Variants in UBE2G1 observed in about 807,000 individuals in gnomAD.
UBE2G1 encodes ubiquitin-conjugating enzyme E2 G1.
A neutral mutation model predicts 22.7 loss-of-function variants in UBE2G1; 5 were observed. The observed-to-expected ratio is 0.22, with a 90% CI of 0.12 to 0.46. The LOEUF (loss-of-function observed/expected upper bound fraction) is 0.46, where lower values mean the gene tolerates loss of function less well. Ranked by LOEUF, UBE2G1 falls within the 20% of genes least tolerant of loss-of-function variation. The pLI is 0.99. For missense variants in UBE2G1, 88 were observed against 203.9 expected (o/e 0.43, Z 3.46); for synonymous variants, 74 against 67.5 (o/e 1.10, Z -0.47).
chr17:4,298,053 A>T (rs1210833703), intron 2 of UBE2G1, among the ~76,000 whole-genome samples: 1 of 152,246 alleles, frequency 6.6e-6, no homozygotes, highest in Admixed American at 6.5e-5. Flanking sequence ...GCAGAAGGAA[A>T]ATATCTACCA....
chr17:4,332,230 T>C (rs893363756), intron 1 of UBE2G1, among the ~76,000 whole-genome samples: 4 of 152,212 alleles, frequency 2.6e-5, no homozygotes, highest in African/African-American at 4.8e-5. Context: ...TCTTGTCCAC[T>C]AAGTCAGAGG....
chr17:4,335,301 A>G (rs528255031), intron 1 of UBE2G1: 10 of 152,346 alleles, frequency 6.6e-5, no homozygotes, highest in Non-Finnish European at 1.3e-4. Context: ...GAATTCTAGC[A>G]ATACTCAGGC....
intron 1 of UBE2G1, among the ~76,000 whole-genome samples, chr17:4,322,195 T>G (rs1026227296): frequency 6.6e-6 from 1 of 152,234 alleles, no homozygotes; most frequent in African/African-American, 2.4e-5. Flanking sequence ...TAAGATGGTG[T>G]TGATTCCTCA....
At chr17:4,275,945 A>T (rs949653290) in intron 5 of UBE2G1, among the ~76,000 whole-genome samples, 19 of 151,936 alleles carry the variant, frequency 1.3e-4, no homozygotes, top group African/African-American at 4.6e-4. Flanking sequence ...TTCCTTTCTG[A>T]GCTCTCTGTG....
chr17:4,300,872 G>C (rs1023195110), intron 2 of UBE2G1, among the ~76,000 whole-genome samples: 1 of 151,318 alleles, frequency 6.6e-6, no homozygotes, highest in Non-Finnish European at 1.5e-5. Context: ...GCTGAGGTAG[G>C]AGAATCACTT....
At chr17:4,352,063 G>A (rs943717775) in intron 1 of UBE2G1, among the ~76,000 whole-genome samples, 2 of 152,066 alleles carry the variant, frequency 1.3e-5, no homozygotes, top group African/African-American at 4.8e-5. Flanking sequence ...TTAGAGACCA[G>A]CCTGGCCAAC....
chr17:4,270,139 A>G lies in UBE2G1; in HGVS notation c.*2415T>C, dbSNP rs1968737510. Reference sequence around the variant, plus strand: ...CTTCCACTCCCGTAGAGCTAGCCCTAAAAAAAAAACCCACATGGTTTTATC... The same window carrying G: ...CTTCCACTCCCGTAGAGCTAGCCCTGAAAAAAAAACCCACATGGTTTTATC... On this transcript the variant is annotated 3_prime_UTR_variant, in exon 6 of 6. Transcript: ENST00000396981. 6.8e-6 allele frequency: 1 copy of G among 147,978 alleles called. No homozygotes were observed. Among genetic ancestry groups the G allele is most frequent in the South Asian group, 2.1e-4 (1 of 4,656 alleles). 9.2% of individuals were successfully genotyped at this position (147,978 alleles called of 1,614,324 possible).
intron 1 of UBE2G1, among the ~76,000 whole-genome samples, chr17:4,360,313 A>T (rs1237712259): frequency 6.6e-6 from 1 of 152,226 alleles, no homozygotes; most frequent in Non-Finnish European, 1.5e-5. Context: ...TCTCATTAAA[A>T]GAGTGCTTAA....
intron 1 of UBE2G1, among the ~76,000 whole-genome samples, chr17:4,354,312 C>T (rs1969879601): frequency 6.6e-6 from 1 of 152,098 alleles, no homozygotes; most frequent in African/African-American, 2.4e-5. Flanking sequence ...ACTACAAGTT[C>T]CTGAAACACC....
chr17:4,281,130 GAACA>G lies in UBE2G1; in HGVS notation c.*37+1664_*37+1667del, dbSNP rs559442220. 8.5e-5 allele frequency among the ~76,000 whole-genome samples: 13 copies of G among 152,188 alleles called. No homozygotes were observed. The South Asian group carries it at 2.5e-3, about 29-fold the overall frequency. On this transcript the variant is annotated intron_variant, in intron 5 of 5. Transcript: ENST00000396981. ...ATAGCCACCCTCTATAACAGAAAAA[GAACA>G]AACACCCCTACACCAATTCAGAAAA...
chr17:4,275,243 T>C (rs905635345), intron 5 of UBE2G1, among the ~76,000 whole-genome samples: 1 of 152,208 alleles, frequency 6.6e-6, no homozygotes, highest in African/African-American at 2.4e-5. Context: ...AAATTCTAAA[T>C]AGAGACAAGG....
intron 1 of UBE2G1, among the ~76,000 whole-genome samples, chr17:4,321,453 CT>C (rs1028525038): frequency 6.6e-6 from 1 of 151,820 alleles, no homozygotes; most frequent in East Asian, 1.9e-4. Context: ...GAGTGATTCT[CT>C]TTTTTCTGAT....
At chr17:4,340,496 T>C (rs963736285) in intron 1 of UBE2G1, among the ~76,000 whole-genome samples, 4 of 152,164 alleles carry the variant, frequency 2.6e-5, no homozygotes, top group East Asian at 1.9e-4. Flanking sequence ...GATTAGATCA[T>C]GGGGGCATTC....
chr17:4,304,490 T>C (rs1017030548), intron 2 of UBE2G1, among the ~76,000 whole-genome samples: 1 of 152,160 alleles, frequency 6.6e-6, no homozygotes, highest in African/African-American at 2.4e-5. Context: ...AATAAAAATG[T>C]AATGCTATAT....
chr17:4,324,713 C>T, intron 1 of UBE2G1, among the ~76,000 whole-genome samples: 1 of 152,076 alleles, frequency 6.6e-6, no homozygotes, highest in Admixed American at 6.5e-5. Flanking sequence ...CCACCATGTC[C>T]AGCCAGTTAA....
chr17:4,327,710 T>C (rs1567524287), intron 1 of UBE2G1, among the ~76,000 whole-genome samples: 2 of 152,152 alleles, frequency 1.3e-5, no homozygotes, highest in Non-Finnish European at 2.9e-5. Flanking sequence ...AAGCCAAGCA[T>C]ATTCCTACCT....
At position 4,303,122 on chromosome 17, in the gene UBE2G1, A is replaced by G. The variant is rs546918947; in HGVS notation, c.149+3899T>C. ...CCTTTCCTGGTAGGGGCATAATGCT[A>G]GAAGACATGTGAAGATATTTGTATG... On this transcript the variant is annotated intron_variant, in intron 2 of 5. Coordinates refer to ENST00000396981, the MANE Select transcript of UBE2G1 (RefSeq NM_003342.5). Among the ~76,000 whole-genome samples, 23 of 152,156 alleles carry G rather than the reference A, an allele frequency of 1.5e-4. No homozygotes were observed. In the East Asian group the frequency reaches 3.1e-3, roughly 20 times the overall value.
chr17:4,277,389 C>T (rs1465098821), intron 5 of UBE2G1, among the ~76,000 whole-genome samples: 6 of 152,214 alleles, frequency 3.9e-5, no homozygotes, highest in Non-Finnish European at 8.8e-5. Context: ...AGAACCAATA[C>T]AGTCCCTCTA....
chr17:4,342,309 T>A (rs182104546), intron 1 of UBE2G1, among the ~76,000 whole-genome samples: 1 of 152,346 alleles, frequency 6.6e-6, no homozygotes, highest in African/African-American at 2.4e-5. Flanking sequence ...TGACACATTC[T>A]CTCACACACT....
Sources: gnomAD v4.1 joint callset for allele counts (sites outside exome capture counted in the v4.1 genomes callset) on GRCh38, gnomAD v4.1.1 for gene constraint, MANE v1.5 for transcripts, NCBI Gene and HGNC (gene_info 2026-07-23, HGNC 2026-07-21) for gene names.